SLC2A3: variants seen among roughly 807,000 people sequenced by gnomAD.
The protein encoded by SLC2A3 is solute carrier family 2 member 3, also known as solute carrier family 2, facilitated glucose transporter member 3.
In SLC2A3, 21 loss-of-function variants were observed where a neutral mutation model predicts 46.4. The observed-to-expected ratio is 0.45, with a 90% CI of 0.32 to 0.65. SLC2A3 has a LOEUF of 0.65. Among genes scored for constraint, SLC2A3 ranks in the 30% least tolerant of loss-of-function variants. The pLI is 0.04. For missense variants in SLC2A3, 499 were observed against 623.3 expected (o/e 0.80, Z 2.12); for synonymous variants, 213 against 239.4 (o/e 0.89, Z 1.02).
At chr12:7,935,868 G>A in intron 1 of SLC2A3, 152 bp downstream of exon 1, 1 of 716,690 alleles carries the variant, frequency 1.4e-6, no homozygotes, top group Middle Eastern at 2.4e-4. Context: ...AACTGATGAA[G>A]CGGCAGCAGT....
chr12:7,932,195 G>A lies in SLC2A3; in HGVS notation c.270-710C>T, dbSNP rs147616165. 4.8e-3 allele frequency among the ~76,000 whole-genome samples: 721 copies of A among 150,326 alleles called. 7 individuals are homozygous for A. Among genetic ancestry groups the A allele is most frequent in the African/African-American group, 0.017 (683 of 40,892 alleles). On this transcript the variant is annotated intron_variant, in intron 3 of 9. Coordinates refer to ENST00000075120, the MANE Select transcript of SLC2A3 (RefSeq NM_006931.3). The stretch of plus-strand genomic sequence containing the variant: ...GCACCGGCTTTTTTTTTTTTGAGAC[G>A]GGGTTTTGCTCTTTCGCCCAGGCTG...
At chr12:7,926,180 C>A (rs750931179) in intron 6 of SLC2A3, among the ~76,000 whole-genome samples, 1 of 152,270 alleles carries the variant, frequency 6.6e-6, no homozygotes, top group South Asian at 2.1e-4. Flanking sequence ...CTACCTCCAC[C>A]TCCCAGATTC....
In SLC2A3 at chr12:7,921,289, G is replaced by A. The variant is rs1421494887; in HGVS notation, c.*124C>T. ...GCCTTGGGGTGCTCATGGAGTGCGT[G>A]GGATGAGAAAGGAATTAAGTAGCAG... On this transcript the variant is annotated 3_prime_UTR_variant, in exon 10 of 10. Coordinates refer to ENST00000075120, the MANE Select transcript of SLC2A3 (RefSeq NM_006931.3). 3.9e-6 allele frequency: 6 copies of A among 1,556,852 alleles called. No homozygotes were observed. The East Asian group carries it at 1.1e-4, about 29-fold the overall frequency.
At chr12:7,926,034 T>C (rs951792782) in intron 6 of SLC2A3, 86 bp from the exon 7 acceptor site, 1 of 1,138,888 alleles carries the variant, frequency 8.8e-7, no homozygotes, top group East Asian at 2.4e-5. Context: ...AAAGTCCCAG[T>C]GGGTAAGAAG....
At chr12:7,933,193 A>G in intron 2 of SLC2A3, 46 bp from the exon 3 acceptor site, 1 of 1,597,138 alleles carries the variant, frequency 6.3e-7, no homozygotes, top group South Asian at 1.1e-5. Flanking sequence ...TTACAGTTGG[A>G]TGAGAACAAA....
chr12:7,934,708 A>G (rs1253226468), intron 1 of SLC2A3, among the ~76,000 whole-genome samples: 1 of 151,690 alleles, frequency 6.6e-6, no homozygotes, highest in Non-Finnish European at 1.5e-5. Flanking sequence ...ACCACCCAAA[A>G]TCCCTTCAAC....
In SLC2A3 at chr12:7,925,885, T is replaced by C. The variant is rs745627539; in HGVS notation, c.925A>G (p.Ile309Val). ...AGVQEPIYAT[I>V]GAGVVNTIFT... is the part of the protein sequence containing the mutation. ...ATAGTATTAACCACACCCGCGCCGA[T>C]GGTGGCATAGATGGGCTCTTGAACA... Residue 309 changes from isoleucine (I) to valine (V), a missense_variant, in exon 7 of 10, where the codon ATC becomes GTC. Ile to Val is a conservative substitution (Grantham distance 29). This residue lies in a region of SLC2A3 where 65 missense variants were observed against 88.4 expected (regional missense o/e 0.74). Coordinates refer to ENST00000075120, the MANE Select transcript of SLC2A3 (RefSeq NM_006931.3). 5 of 1,613,830 alleles carry C rather than the reference T, an allele frequency of 3.1e-6. No individual in the cohort carries two copies. The highest frequency in any genetic ancestry group is 2.2e-5 in the South Asian group (2 of 91,084).
At chr12:7,931,905 G>A (rs1171680735) in intron 3 of SLC2A3, among the ~76,000 whole-genome samples, 2 of 147,844 alleles carry the variant, frequency 1.4e-5, no homozygotes, top group Admixed American at 6.7e-5. Flanking sequence ...TTTTGGAGAC[G>A]GAGTCTTGGT....
chr12:7,929,684 A>G lies in SLC2A3; in HGVS notation c.861T>C (p.Ala287=). The G allele has an allele frequency of 6.2e-7, 1 of 1,613,290 alleles. No homozygotes were observed. The highest frequency in any genetic ancestry group is 2.2e-5 in the East Asian group (1 of 44,852). ...TTTGACCCTAAAGTATCACACTCAC[A>G]GCATTGATCCCAGAGAGCTGCTGAG... is the stretch of plus-strand genomic sequence containing the variant. ...QLSQQLSGIN[A]VFYYSTGIFK... is the part of the protein sequence containing the mutation. The change falls in exon 6 of 10, where the codon GCT becomes GCC. Residue 287 remains alanine (A), a splice_region_variant and synonymous_variant. Coordinates refer to ENST00000075120, the MANE Select transcript of SLC2A3 (RefSeq NM_006931.3).
intron 1 of SLC2A3, 55 bp from the exon 2 acceptor site, chr12:7,933,957 C>G: frequency 6.6e-7 from 1 of 1,520,382 alleles, no homozygotes; most frequent in Middle Eastern, 1.7e-4. Flanking sequence ...TGATTGATGA[C>G]TGTTTCTTAT....
In SLC2A3 at chr12:7,929,801, C is replaced by G. The variant is rs1355569169; in HGVS notation, c.744G>C (p.Arg248Ser). Residue 248 changes from arginine (R) to serine (S), a missense_variant, in exon 6 of 10, where the codon AGG becomes AGC. Coordinates refer to ENST00000075120, the MANE Select transcript of SLC2A3 (RefSeq NM_006931.3). Reference protein sequence around the residue: ...DIQEMKDESARMSQEKQVTVL... With the variant: ...DIQEMKDESASMSQEKQVTVL... ...CGGTGACTTGCTTTTCTTGTGACAT[C>G]CTTGCACTCTCATCTTTCATCTCCT... is the stretch of plus-strand genomic sequence containing the variant. 1.2e-6 allele frequency: 2 copies of G among 1,613,596 alleles called. No homozygotes were observed. The highest frequency in any genetic ancestry group is 1.3e-5 in the African/African-American group (1 of 74,892).
chr12:7,927,244 G>A (rs1177357694), intron 6 of SLC2A3, among the ~76,000 whole-genome samples: 1 of 152,128 alleles, frequency 6.6e-6, no homozygotes, highest in Non-Finnish European at 1.5e-5. Flanking sequence ...ACACTGTTAA[G>A]AAATCTCAAC....
At position 7,931,356 on chromosome 12, in the gene SLC2A3, G is replaced by A. The variant is rs78424362; in HGVS notation, c.399C>T (p.Leu133=). The part of the protein sequence containing the change: ...GRLVIGLFCG[L]CTGFVPMYIG... ...TGTACATGGGCACAAAACCTGTGCAGAGTCCGCAGAAGAGGCCAATAACCA... is the reference window on the plus strand; with the variant it reads ...TGTACATGGGCACAAAACCTGTGCAAAGTCCGCAGAAGAGGCCAATAACCA... The change falls in exon 4 of 10, where the codon CTC becomes CTT. Residue 133 remains leucine (L), a synonymous_variant. Transcript: ENST00000075120. 157 of 1,614,068 alleles carry A rather than the reference G, an allele frequency of 9.7e-5. 3 individuals are homozygous for A. Among genetic ancestry groups the A allele is most frequent in the Non-Finnish European group, 1.3e-4 (148 of 1,180,036 alleles).
chr12:7,923,489 C>A (rs1251334768), intron 8 of SLC2A3, among the ~76,000 whole-genome samples: 1 of 152,086 alleles, frequency 6.6e-6, no homozygotes, highest in Non-Finnish European at 1.5e-5. Context: ...GTGGCACGTG[C>A]CTATAATCCC....
At chr12:7,934,028 G>A (rs937188621) in intron 1 of SLC2A3, 126 bp from the exon 2 acceptor site, 15 of 834,694 alleles carry the variant, frequency 1.8e-5, no homozygotes, top group Non-Finnish European at 2.5e-5. Context: ...AACATCCAAT[G>A]AGATTTAGGT....
intron 3 of SLC2A3, chr12:7,932,763 A>G (rs954469653): frequency 6.8e-5 from 38 of 557,038 alleles, no homozygotes; most frequent in Admixed American, 5.1e-4. Flanking sequence ...GCAAAGGCCA[A>G]TCACTCACAG....
chr12:7,933,623 C>CT (rs1283512176), intron 2 of SLC2A3, 187 bp downstream of exon 2: 1 of 599,132 alleles, frequency 1.7e-6, no homozygotes, highest in African/African-American at 1.9e-5. Context: ...GGGACCCTCA[C>CT]TAACTGTGTT....
chr12:7,929,961 G>A (rs764947313), intron 5 of SLC2A3, 90 bp from the exon 6 acceptor site: 12 of 1,556,588 alleles, frequency 7.7e-6, no homozygotes, highest in Admixed American at 4.1e-5. Context: ...AGGGCCGCAC[G>A]AGGTGAGGTG....
At chr12:7,933,968 TAATTATG>T in intron 1 of SLC2A3, 66 bp from the exon 2 acceptor site, 1 of 1,464,916 alleles carries the variant, frequency 6.8e-7, no homozygotes. Flanking sequence ...TGTTTCTTAT[TAATTATG>T]GAGCTGTATT....
Sources: allele counts gnomAD v4.1 joint callset (sites outside exome capture counted in the v4.1 genomes callset), GRCh38; gene constraint gnomAD v4.1.1; regional missense constraint gnomAD v4.1.1; transcripts MANE v1.5; gene names NCBI Gene and HGNC (gene_info 2026-07-23, HGNC 2026-07-21).